PRKAR1B: variants seen among roughly 807,000 people sequenced by gnomAD.
PRKAR1B encodes cAMP-dependent protein kinase type I-beta regulatory subunit.
Under a neutral mutation model 46.5 loss-of-function variants are expected in PRKAR1B, and 22 were observed. The observed-to-expected ratio is 0.47, with a 90% CI of 0.34 to 0.68. The LOEUF is 0.68. Among genes scored for constraint, PRKAR1B ranks in the 30% least tolerant of loss-of-function variants. The probability of loss-of-function intolerance (pLI) is 0.01; values close to 1 mark genes in which losing one functional copy is unlikely to be tolerated. For synonymous variants in PRKAR1B, 259 were observed against 217.7 expected (o/e 1.19, Z -1.67); for missense variants, 445 against 535.6 (o/e 0.83, Z 1.67).
At chr7:702,950 G>A (rs77202448) in intron 2 of PRKAR1B, among the ~76,000 whole-genome samples, 6,410 of 151,712 alleles carry the variant, frequency 0.042, 421 homozygotes, top group African/African-American at 0.13. Flanking sequence ...TTAAAAAGTG[G>A]ATAATCTAAA....
chr7:726,685 G>A (rs1781301934), intron 1 of PRKAR1B: 2 of 1,221,320 alleles, frequency 1.6e-6, no homozygotes, highest in South Asian at 4.0e-5. Context: ...AGTCGCGAAA[G>A]CGCTGTTCCC....
intron 2 of PRKAR1B, among the ~76,000 whole-genome samples, chr7:703,161 G>C (rs1033175483): frequency 6.6e-6 from 1 of 152,118 alleles, no homozygotes; most frequent in Non-Finnish European, 1.5e-5. Context: ...GGAACAAAGA[G>C]AAACATCGAA....
chr7:586,741 A>C (rs549703977), intron 7 of PRKAR1B, among the ~76,000 whole-genome samples: 50 of 152,364 alleles, frequency 3.3e-4, no homozygotes, highest in African/African-American at 1.1e-3. Flanking sequence ...GGGTAAGGAT[A>C]GGCTAGGAAA....
At chr7:556,006 C>T (rs929908812) in intron 9 of PRKAR1B, among the ~76,000 whole-genome samples, 3 of 152,224 alleles carry the variant, frequency 2.0e-5, no homozygotes, top group African/African-American at 7.2e-5. Context: ...ATGCTCATCC[C>T]AGCAGTGCGG....
At chr7:576,497 A>G (rs189090861) in intron 9 of PRKAR1B, among the ~76,000 whole-genome samples, 3 of 152,100 alleles carry the variant, frequency 2.0e-5, no homozygotes, top group African/African-American at 4.8e-5. Flanking sequence ...TAGGTTGGAG[A>G]CAAGCATCAT....
chr7:726,570 C>A (rs1294987373), intron 1 of PRKAR1B: 11 of 517,492 alleles, frequency 2.1e-5, no homozygotes, highest in Non-Finnish European at 3.2e-5. Flanking sequence ...GGACAGCGGG[C>A]GAGCACGACA....
intron 4 of PRKAR1B, among the ~76,000 whole-genome samples, chr7:614,551 G>A (rs1192964883): frequency 6.6e-6 from 1 of 151,970 alleles, no homozygotes; most frequent in Non-Finnish European, 1.5e-5. Context: ...AGGATCGCTG[G>A]GCCCAGGAGT....
At chr7:632,200 G>A (rs1783790840) in intron 4 of PRKAR1B, among the ~76,000 whole-genome samples, 1 of 152,134 alleles carries the variant, frequency 6.6e-6, no homozygotes, top group Admixed American at 6.5e-5. Flanking sequence ...CTGTGTCTCT[G>A]TTGCCTCATT....
rs28458261 is a variant in PRKAR1B, at chr7:606,723, C to T, written c.503-484G>A. On this transcript the variant is annotated intron_variant, in intron 5 of 10. Coordinates refer to ENST00000537384, the MANE Select transcript of PRKAR1B (RefSeq NM_001164760.2). ...TCGGCCTCCCAAAGTGCTGGGATTA[C>T]AGGCGTGAGCCACCGCGCCCGGCCT... 5.8e-3 allele frequency among the ~76,000 whole-genome samples: 883 copies of T among 152,096 alleles called. 24 individuals are homozygous for T. The highest frequency in any genetic ancestry group is 0.051 in the East Asian group (263 of 5,172).
intron 4 of PRKAR1B, among the ~76,000 whole-genome samples, chr7:633,392 G>C (rs1187537175): frequency 6.6e-6 from 1 of 152,156 alleles, no homozygotes; most frequent in African/African-American, 2.4e-5. Context: ...CAGGAAGGCG[G>C]CAAGACTTCT....
Position 623,874 on chromosome 7 carries a change from A to G in PRKAR1B, c.441-16422T>C, listed in dbSNP as rs948272058. On this transcript the variant is annotated intron_variant, in intron 4 of 10. Coordinates refer to ENST00000537384, the MANE Select transcript of PRKAR1B (RefSeq NM_001164760.2). ...TTCAGGGTATGGAATGAACCTATGG[A>G]GTCCCAGAAGGGAGGTACAAGCCAA... Among the ~76,000 whole-genome samples the G allele has an allele frequency of 2.0e-5, 3 of 152,224 alleles. No homozygotes were observed. In the East Asian group the frequency reaches 5.8e-4, roughly 29 times the overall value.
chr7:584,136 C>A (rs1346788999), intron 8 of PRKAR1B, among the ~76,000 whole-genome samples: 1 of 152,186 alleles, frequency 6.6e-6, no homozygotes, highest in Admixed American at 6.5e-5. Context: ...CTCGACCCAG[C>A]TCACACGTGT....
intron 9 of PRKAR1B, among the ~76,000 whole-genome samples, chr7:556,532 T>C (rs1583195536): frequency 1.3e-5 from 2 of 152,354 alleles, no homozygotes; most frequent in East Asian, 3.9e-4. Flanking sequence ...ATTCTGCTTT[T>C]GGAATTTGTA....
At chr7:647,534 C>T (rs551347831) in intron 4 of PRKAR1B, among the ~76,000 whole-genome samples, 68 of 152,170 alleles carry the variant, frequency 4.5e-4, no homozygotes, top group African/African-American at 1.5e-3. Context: ...AGGCCAGGCG[C>T]GGTGGCTCAT....
chr7:716,652 G>A (rs1267840606), intron 1 of PRKAR1B: 1 of 152,184 alleles, frequency 6.6e-6, no homozygotes, highest in African/African-American at 2.4e-5. Flanking sequence ...ACTCTGCATG[G>A]CGAAGAGACC....
intron 2 of PRKAR1B, among the ~76,000 whole-genome samples, chr7:688,931 A>G (rs1402833415): frequency 6.6e-6 from 1 of 152,256 alleles, no homozygotes; most frequent in Non-Finnish European, 1.5e-5. Context: ...TATTTGTTAA[A>G]TAAATATCAA....
At chr7:571,948 C>T (rs773886431) in intron 9 of PRKAR1B, among the ~76,000 whole-genome samples, 2 of 152,216 alleles carry the variant, frequency 1.3e-5, no homozygotes, top group East Asian at 1.9e-4. Context: ...CACTGGGGAG[C>T]GAGCCGGGTG....
At chr7:563,420 C>G (rs902123676) in intron 9 of PRKAR1B, among the ~76,000 whole-genome samples, 1 of 152,294 alleles carries the variant, frequency 6.6e-6, no homozygotes, top group African/African-American at 2.4e-5. Flanking sequence ...AGGCTGTGCA[C>G]TGTCCACTCA....
rs565332867 is a variant in PRKAR1B, at chr7:560,869, G to A, written c.892-9399C>T. Reference sequence around the variant, plus strand: ...ACACCAAATGCCTTCTCAGGGCCACGGGGGCCACGACACGTTCCTCCCTCC... The same window carrying A: ...ACACCAAATGCCTTCTCAGGGCCACAGGGGCCACGACACGTTCCTCCCTCC... On this transcript the variant is annotated intron_variant, in intron 9 of 10. Coordinates refer to ENST00000537384, the MANE Select transcript of PRKAR1B (RefSeq NM_001164760.2). The surrounding 1 kb of genome is among the most constrained non-coding windows in gnomAD (Gnocchi z 4.2). Among the ~76,000 whole-genome samples, 14 of 152,240 alleles carry A rather than the reference G, an allele frequency of 9.2e-5. No homozygotes were observed. The highest frequency in any genetic ancestry group is 5.8e-4 in the East Asian group (3 of 5,174).
Sources: gnomAD v4.1 joint callset for allele counts (sites outside exome capture counted in the v4.1 genomes callset) on GRCh38, gnomAD v4.1.1 for gene constraint, Gnocchi (gnomAD v3.1) non-coding constraint, MANE v1.5 for transcripts, NCBI Gene and HGNC (gene_info 2026-07-23, HGNC 2026-07-21) for gene names.